TG: variants seen among roughly 807,000 people sequenced by gnomAD.
TG encodes the protein thyroglobulin, also known as thyroid hormones.
A neutral mutation model predicts 324.7 loss-of-function variants in TG; 270 were observed. The observed-to-expected ratio is 0.83, with a 90% CI of 0.75 to 0.92. TG has a LOEUF of 0.92. TG is among the 40% of genes least tolerant of loss of function. The probability of loss-of-function intolerance (pLI) is 0.00; values close to 1 mark genes in which losing one functional copy is unlikely to be tolerated. For missense variants in TG, 3,591 were observed against 3,456.4 expected (o/e 1.04, Z -0.98); for synonymous variants, 1,401 against 1,327.0 (o/e 1.06, Z -1.21).
intron 41 of TG, among the ~76,000 whole-genome samples, chr8:133,051,920 C>G (rs1840478180): frequency 1.3e-5 from 2 of 152,238 alleles, no homozygotes; most frequent in African/African-American, 4.8e-5. Flanking sequence ...CAACTACTTA[C>G]TGAGCACCTG....
intron 35 of TG, 48 bp from the exon 36 acceptor site, chr8:133,011,843 GTCTTTGTTAC>G: frequency 1.2e-6 from 2 of 1,613,174 alleles, no homozygotes; most frequent in Non-Finnish European, 1.7e-6. Flanking sequence ...ATACACGGCT[GTCTTTGTTAC>G]TCACCAGGTG....
At chr8:132,947,711 A>G (rs1419876870) in intron 26 of TG, among the ~76,000 whole-genome samples, 1 of 152,198 alleles carries the variant, frequency 6.6e-6, no homozygotes, top group African/African-American at 2.4e-5. Context: ...GCATAGATAT[A>G]AATTTATAAA....
At chr8:133,089,302 T>C (rs978085020) in intron 41 of TG, among the ~76,000 whole-genome samples, 1 of 152,168 alleles carries the variant, frequency 6.6e-6, no homozygotes, top group African/African-American at 2.4e-5. Flanking sequence ...GAGGAATAAC[T>C]ACCTCCCAAC....
intron 41 of TG, among the ~76,000 whole-genome samples, chr8:133,031,969 A>G (rs943233478): frequency 3.3e-5 from 5 of 152,114 alleles, no homozygotes; most frequent in African/African-American, 1.2e-4. Flanking sequence ...CAGGATTTCC[A>G]ACAGTAAGTA....
intron 35 of TG, among the ~76,000 whole-genome samples, chr8:132,987,063 A>G (rs889926171): frequency 4.0e-5 from 6 of 149,790 alleles, no homozygotes; most frequent in African/African-American, 1.5e-4. Context: ...CCTACAAAAG[A>G]AAAAAAAAAA....
chr8:133,021,268 C>A (rs1236028315), intron 39 of TG, among the ~76,000 whole-genome samples: 2 of 152,224 alleles, frequency 1.3e-5, no homozygotes, highest in African/African-American at 4.8e-5. Flanking sequence ...AACTCTAGCT[C>A]TGTGTTACCA....
intron 22 of TG, among the ~76,000 whole-genome samples, chr8:132,928,174 C>T (rs1687869890): frequency 6.6e-6 from 1 of 152,074 alleles, no homozygotes. Flanking sequence ...CTTTGGATGG[C>T]CTTGAATTTA....
rs1829166664 is a variant in TG, at chr8:132,969,554, A to T, written c.5960A>T (p.Lys1987Ile). The T allele has an allele frequency of 6.2e-7, 1 of 1,610,094 alleles. No individual in the cohort carries two copies. Among genetic ancestry groups the T allele is most frequent in the South Asian group, 1.1e-5 (1 of 91,032 alleles). The change falls in exon 32 of 48, where the codon AAA becomes ATA. Residue 1987 changes from lysine (K) to isoleucine (I), a missense_variant. Transcript: ENST00000220616. Reference protein sequence around the residue: ...SIRNKVPMSEKSISNGFFECE... With the variant: ...SIRNKVPMSEISISNGFFECE... ...AGAAATAAAGTGCCCATGTCTGAAA[A>T]ATCTATTTCTAATGGGTAAGCTACT...
intron 36 of TG, among the ~76,000 whole-genome samples, chr8:133,013,334 G>A (rs1322929984): frequency 6.6e-6 from 1 of 152,194 alleles, no homozygotes; most frequent in African/African-American, 2.4e-5. Context: ...TGGAAGGGTG[G>A]ATGAGTGGTT....
chr8:132,942,942 A>G (rs1824664393), intron 26 of TG, among the ~76,000 whole-genome samples: 1 of 152,172 alleles, frequency 6.6e-6, no homozygotes, highest in South Asian at 2.1e-4. Context: ...TCTGAAGGCT[A>G]TTAACTGAGA....
chr8:132,919,285 T>C, intron 20 of TG, 91 bp from the exon 21 acceptor site: 1 of 1,370,400 alleles, frequency 7.3e-7, no homozygotes, highest in Non-Finnish European at 1.0e-6. Flanking sequence ...CTTGAACTGG[T>C]TTGAGGATTT....
At chr8:133,047,466 T>G (rs530409446) in intron 41 of TG, 5 of 219,772 alleles carry the variant, frequency 2.3e-5, no homozygotes, top group Non-Finnish European at 4.7e-5. Context: ...GACAAATCAG[T>G]CACAGAGCTT....
In TG at chr8:133,116,686, A is replaced by G. The variant is rs751400389; in HGVS notation, c.7832A>G (p.Tyr2611Cys). ...AKRARGNVFM[Y>C]HAPENYGHGS... Reference sequence around the variant, plus strand: ...AGGGCCCGAGGAAACGTCTTCATGTACCATGCTCCTGAAAACTACGGCCAT... The same window carrying G: ...AGGGCCCGAGGAAACGTCTTCATGTGCCATGCTCCTGAAAACTACGGCCAT... The change falls in exon 45 of 48, where the codon TAC (tyrosine) becomes TGC (cysteine). Residue 2611 changes from tyrosine to cysteine, a missense_variant. Coordinates refer to ENST00000220616, the MANE Select transcript of TG (RefSeq NM_003235.5). 2 of 1,614,228 alleles carry G rather than the reference A, an allele frequency of 1.2e-6. No homozygotes were observed. Among genetic ancestry groups the G allele is most frequent in the Non-Finnish European group, 1.7e-6 (2 of 1,180,038 alleles).
chr8:132,960,387 A>G (rs909098400), intron 27 of TG, among the ~76,000 whole-genome samples: 5 of 152,286 alleles, frequency 3.3e-5, no homozygotes, highest in Non-Finnish European at 7.4e-5. Context: ...GGGAATTTGA[A>G]AGGAACTGAA....
intron 42 of TG, among the ~76,000 whole-genome samples, chr8:133,095,507 G>A (rs1452755674): frequency 3.3e-5 from 5 of 152,220 alleles, no homozygotes; most frequent in African/African-American, 4.8e-5. Context: ...AGTCACACAT[G>A]TGAAGGATTT....
Position 133,018,005 on chromosome 8 carries a change from T to G in TG, c.6782+8T>G, listed in dbSNP as rs1169009206. The G allele has an allele frequency of 3.8e-5, 62 of 1,613,704 alleles. No homozygotes were observed. Among genetic ancestry groups the G allele is most frequent in the Non-Finnish European group, 5.2e-5 (61 of 1,179,700 alleles). ...GGATGCCAGCAAGCCAAGGTATGGG[T>G]TGAGTGGAGCACATCTTGGTAAATG... On this transcript the variant is annotated splice_region_variant and intron_variant, in intron 38 of 47. Coordinates refer to ENST00000220616, the MANE Select transcript of TG (RefSeq NM_003235.5).
At position 132,887,283 on chromosome 8, in the gene TG, G is replaced by T; in HGVS notation, c.1911G>T (p.Trp637Cys). 2 of 1,604,030 alleles carry T rather than the reference G, an allele frequency of 1.2e-6. No homozygotes were observed. Among genetic ancestry groups the T allele is most frequent in the Non-Finnish European group, 1.7e-6 (2 of 1,173,632 alleles). Residue 637 changes from tryptophan to cysteine, a missense_variant, in exon 9 of 48, where the codon TGG becomes TGT. By Grantham distance (215) the Trp-to-Cys change is radical (BLOSUM62 -2). Transcript: ENST00000220616. ...EDVQCFSGEC[W>C]CVNSWGKELP... Reference sequence around the variant, plus strand: ...TCCAATGCTTTTCCGGAGAGTGCTGGTGTGTGAATTCCTGGGGCAAAGAGC... The same window carrying T: ...TCCAATGCTTTTCCGGAGAGTGCTGTTGTGTGAATTCCTGGGGCAAAGAGC...
chr8:132,925,085 A>C (rs1821647488), intron 22 of TG, among the ~76,000 whole-genome samples: 1 of 152,146 alleles, frequency 6.6e-6, no homozygotes, highest in African/African-American at 2.4e-5. Flanking sequence ...AGGGCCTAAC[A>C]TACATGGGCT....
At chr8:133,087,136 T>A (rs975889927) in intron 41 of TG, among the ~76,000 whole-genome samples, 4 of 150,184 alleles carry the variant, frequency 2.7e-5, no homozygotes, top group African/African-American at 9.9e-5. Flanking sequence ...AAGAGACATA[T>A]TGGAGGCTAA....
Sources: gnomAD v4.1 joint callset for allele counts (sites outside exome capture counted in the v4.1 genomes callset) on GRCh38, gnomAD v4.1.1 for gene constraint, MANE v1.5 for transcripts, NCBI Gene and HGNC (gene_info 2026-07-23, HGNC 2026-07-21) for gene names.